Variants in TMCO4 observed in about 807,000 individuals in gnomAD.
The protein encoded by TMCO4 is transmembrane and coiled-coil domains 4.
Under a neutral mutation model 64.7 loss-of-function variants are expected in TMCO4, and 58 were observed. The ratio of observed to expected loss-of-function variants is 0.90; its 90% CI spans 0.73 to 1.12. The LOEUF (loss-of-function observed/expected upper bound fraction) is 1.12. TMCO4 is among the 50% of genes most tolerant of loss of function. The pLI, the probability that TMCO4 is intolerant of heterozygous loss-of-function variation, is 0.00. For synonymous variants in TMCO4, 325 were observed against 346.1 expected, an observed-to-expected ratio of 0.94 and a Z score of 0.68; for missense variants, 780 against 825.9, an observed-to-expected ratio of 0.94 and a Z score of 0.68.
intron 15 of TMCO4, among the ~76,000 whole-genome samples, chr1:19,684,770 G>A (rs756965930): frequency 1.1e-4 from 17 of 152,168 alleles, no homozygotes; most frequent in Non-Finnish European, 1.9e-4. Flanking sequence ...GAGTTGAAGC[G>A]GTAGTGTGAT....
chr1:19,768,658 G>T (rs1264521014), intron 6 of TMCO4, among the ~76,000 whole-genome samples: 1 of 152,176 alleles, frequency 6.6e-6, no homozygotes, highest in African/African-American at 2.4e-5. Context: ...GGCTGGCCTG[G>T]TCACCCGTGG....
intron 10 of TMCO4, 93 bp from the exon 11 acceptor site, chr1:19,741,034 C>A (rs1216351089): frequency 2.4e-5 from 33 of 1,349,336 alleles, no homozygotes; most frequent in South Asian, 1.7e-4. Context: ...GGACCACTCA[C>A]CCTTGTGTGG....
intron 13 of TMCO4, among the ~76,000 whole-genome samples, chr1:19,712,662 G>A (rs1245087567): frequency 6.6e-6 from 1 of 151,916 alleles, no homozygotes; most frequent in Non-Finnish European, 1.5e-5. Flanking sequence ...GAAATATTGT[G>A]AGAATTACCA....
chr1:19,686,951 CTTAA>C (rs2095153870), intron 15 of TMCO4, among the ~76,000 whole-genome samples: 1 of 95,576 alleles, frequency 1.0e-5, no homozygotes, highest in Non-Finnish European at 2.0e-5. Context: ...TTTTGTTTTT[CTTAA>C]TTTTTTTTTT....
At position 19,700,643 on chromosome 1, in the gene TMCO4, C is replaced by T. The variant is rs562688573; in HGVS notation, c.1382+125G>A. On this transcript the variant is annotated intron_variant, in intron 14 of 15. Transcript: ENST00000294543. Reference sequence around the variant, plus strand: ...TGCTCCTAACAGGGCCGGTGCCCGGCCGGTTCCTGGGATCTTCCAGGACAG... The same window carrying T: ...TGCTCCTAACAGGGCCGGTGCCCGGTCGGTTCCTGGGATCTTCCAGGACAG... 9.7e-6 allele frequency: 9 copies of T among 932,464 alleles called. No individual in the cohort carries two copies. The African/African-American group carries it at 1.3e-4, about 14-fold the overall frequency. The allele number at this position is 932,464 out of a possible 1,614,324, so 57.8% of individuals were successfully genotyped here.
intron 13 of TMCO4, among the ~76,000 whole-genome samples, chr1:19,716,697 C>T (rs762004328): frequency 5.9e-5 from 9 of 152,080 alleles, no homozygotes; most frequent in Non-Finnish European, 7.4e-5. Context: ...CCTGCTCTCT[C>T]GAAAAACAGG....
intron 2 of TMCO4, 181 bp downstream of exon 2, chr1:19,797,956 G>GAGAAA (rs56065038): frequency 0.039 from 4,696 of 121,918 alleles, 139 homozygotes; most frequent in African/African-American, 0.057. Flanking sequence ...GAGAAAGAGA[G>GAGAAA]AGAAAAGAAA....
chr1:19,686,246 G>T (rs2095148610), intron 15 of TMCO4, among the ~76,000 whole-genome samples: 1 of 152,174 alleles, frequency 6.6e-6, no homozygotes, highest in Non-Finnish European at 1.5e-5. Flanking sequence ...CTGAGATGGA[G>T]TCTCACGTTA....
chr1:19,785,153 A>G (rs1482302731), intron 3 of TMCO4, among the ~76,000 whole-genome samples: 1 of 150,690 alleles, frequency 6.6e-6, no homozygotes, highest in Non-Finnish European at 1.5e-5. Context: ...CCATCACATC[A>G]TCTGGCCTCA....
At chr1:19,688,778 C>T (rs534032316) in intron 15 of TMCO4, among the ~76,000 whole-genome samples, 19 of 152,326 alleles carry the variant, frequency 1.2e-4, no homozygotes, top group African/African-American at 3.4e-4. Context: ...TGACTTACCC[C>T]GTAAAACATG....
intron 2 of TMCO4, among the ~76,000 whole-genome samples, chr1:19,787,892 A>G (rs143251162): frequency 0.023 from 3,548 of 152,178 alleles, 145 homozygotes; most frequent in African/African-American, 0.081. Flanking sequence ...AGTAGCTGGG[A>G]TTACAGGCAC....
intron 7 of TMCO4, among the ~76,000 whole-genome samples, chr1:19,748,823 CGAATGAATGAGTGAAT>C (rs1298194847): frequency 6.4e-5 from 6 of 93,442 alleles, no homozygotes; most frequent in Admixed American, 2.4e-4. Context: ...GACCCTGTCT[CGAATGAATGAGTGAAT>C]GAATGAATGA....
intron 13 of TMCO4, among the ~76,000 whole-genome samples, chr1:19,723,649 A>G (rs1363059978): frequency 2.0e-5 from 3 of 152,164 alleles, no homozygotes; most frequent in Non-Finnish European, 4.4e-5. Flanking sequence ...ACCAACACCA[A>G]TCATCACTGC....
In TMCO4 at chr1:19,769,863, A is replaced by T. The variant is rs186771515; in HGVS notation, c.382+679T>A. The stretch of plus-strand genomic sequence containing the variant: ...CAGTTTTGGGGAAGACAGTTTTACC[A>T]TGGACCAGTGTGGGGGCCGGGGATG... On this transcript the variant is annotated intron_variant, in intron 6 of 15. Coordinates refer to ENST00000294543, the MANE Select transcript of TMCO4 (RefSeq NM_181719.7). Among the ~76,000 whole-genome samples the T allele has an allele frequency of 3.8e-4, 49 of 127,632 alleles. 3 individuals carry two copies. Among genetic ancestry groups the T allele is most frequent in the Admixed American group, 3.6e-3 (48 of 13,404 alleles). 83.7% of individuals were successfully genotyped at this position (127,632 alleles called of 152,430 possible).
chr1:19,759,109 A>G (rs1445682147), intron 6 of TMCO4, among the ~76,000 whole-genome samples: 1 of 149,952 alleles, frequency 6.7e-6, no homozygotes, highest in African/African-American at 2.4e-5. Flanking sequence ...CTCAAAAAAA[A>G]AAAAAAAAAA....
intron 7 of TMCO4, among the ~76,000 whole-genome samples, chr1:19,754,014 C>A (rs557963708): frequency 5.3e-4 from 81 of 152,282 alleles, no homozygotes; most frequent in African/African-American, 1.9e-3. Flanking sequence ...TATATGAACT[C>A]ATCTGGGCCC....
intron 6 of TMCO4, among the ~76,000 whole-genome samples, chr1:19,756,202 T>C (rs1472464706): frequency 1.3e-5 from 2 of 152,130 alleles, no homozygotes; most frequent in Non-Finnish European, 2.9e-5. Context: ...TGAGCCGTGA[T>C]CATGTCACTG....
chr1:19,777,506 G>A (rs928414126), intron 4 of TMCO4, among the ~76,000 whole-genome samples: 4 of 152,038 alleles, frequency 2.6e-5, no homozygotes, highest in African/African-American at 9.7e-5. Flanking sequence ...TACCACTCAC[G>A]TCTGGCTAAT....
chr1:19,701,769 C>T lies in TMCO4; in HGVS notation c.1265-884G>A, dbSNP rs10449256. Among the ~76,000 whole-genome samples the T allele has an allele frequency of 8.8e-3, 1,338 of 152,128 alleles. 17 individuals are homozygous for T. Among genetic ancestry groups the T allele is most frequent in the African/African-American group, 0.031 (1,276 of 41,492 alleles). ...AGAGGGGGCGAGTAGGTCCTGGGGT[C>T]AGGGAGTGCACTCGTCCGCTGCATC... On this transcript the variant is annotated intron_variant, in intron 13 of 15. Transcript: ENST00000294543.
Sources: allele counts gnomAD v4.1 joint callset (sites outside exome capture counted in the v4.1 genomes callset), GRCh38; gene constraint gnomAD v4.1.1; transcripts MANE v1.5; gene names NCBI Gene and HGNC (gene_info 2026-07-23, HGNC 2026-07-21).